Variants in IFT88 observed in about 807,000 individuals in gnomAD.
IFT88 encodes the protein intraflagellar transport 88.
In IFT88, 74 loss-of-function variants were observed where a neutral mutation model predicts 119.5. That is an observed-to-expected ratio of 0.62 (90% CI 0.51 to 0.75). The LOEUF (loss-of-function observed/expected upper bound fraction) is 0.75. Among genes scored for constraint, IFT88 ranks in the 30% least tolerant of loss-of-function variants. IFT88 has a pLI of 0.00. For missense variants in IFT88, 961 were observed against 977.7 expected (o/e 0.98, Z 0.23); for synonymous variants, 279 against 316.7 (o/e 0.88, Z 1.26).
At chr13:20,689,550 GC>G (rs1345691945) in intron 24 of IFT88, among the ~76,000 whole-genome samples, 4 of 152,110 alleles carry the variant, frequency 2.6e-5, no homozygotes, top group African/African-American at 9.7e-5. Flanking sequence ...AACTGTGTAT[GC>G]CCTTGCCCTT....
intron 4 of IFT88, 42 bp downstream of exon 4, chr13:20,589,909 A>G: frequency 1.7e-6 from 2 of 1,193,672 alleles, no homozygotes; most frequent in Non-Finnish European, 2.5e-6. Context: ...GCTTTTTCTC[A>G]TACAATAGTT....
intron 3 of IFT88, among the ~76,000 whole-genome samples, chr13:20,584,156 T>A (rs1593798983): frequency 1.3e-5 from 2 of 149,314 alleles, no homozygotes; most frequent in Non-Finnish European, 3.0e-5. Flanking sequence ...TCTATTTCTG[T>A]AAAAAAAAAA....
intron 13 of IFT88, among the ~76,000 whole-genome samples, chr13:20,615,333 A>G (rs1324739619): frequency 1.3e-5 from 2 of 152,202 alleles, no homozygotes; most frequent in Non-Finnish European, 2.9e-5. Context: ...TTATATATGT[A>G]CGTACGTGTA....
At chr13:20,671,321 T>C (rs191304577) in intron 24 of IFT88, among the ~76,000 whole-genome samples, 2 of 152,346 alleles carry the variant, frequency 1.3e-5, no homozygotes, top group Admixed American at 6.5e-5. Context: ...CAGATTATCA[T>C]AGATGGGCGT....
At chr13:20,663,683 G>A in intron 23 of IFT88, 79 bp downstream of exon 23, 1 of 995,974 alleles carries the variant, frequency 1.0e-6, no homozygotes, top group Admixed American at 2.5e-5. Flanking sequence ...TGTGATGTTA[G>A]GAGCTTCTAT....
At chr13:20,571,182 G>T (rs1391015424) in intron 1 of IFT88, among the ~76,000 whole-genome samples, 2 of 151,960 alleles carry the variant, frequency 1.3e-5, no homozygotes, top group Non-Finnish European at 2.9e-5. Flanking sequence ...TTTTAGTAGA[G>T]ACGGGGTTTC....
In IFT88 at chr13:20,611,103, ATAAT is replaced by A. The variant is rs769660309; in HGVS notation, c.1113-4685_1113-4682del. On this transcript the variant is annotated intron_variant, in intron 13 of 25. Coordinates refer to ENST00000351808, the MANE Select transcript of IFT88 (RefSeq NM_006531.5). The stretch of plus-strand genomic sequence containing the variant: ...TGAGACCCCATCTCAAATAATAATA[ATAAT>A]TAATAATAATAATATATAGGATATC... 2.0e-4 allele frequency among the ~76,000 whole-genome samples: 31 copies of A among 151,594 alleles called. 1 individual carries two copies. Among genetic ancestry groups the A allele is most frequent in the Non-Finnish European group, 4.1e-4 (28 of 67,890 alleles).
intron 3 of IFT88, among the ~76,000 whole-genome samples, chr13:20,587,756 T>G (rs917220620): frequency 1.3e-5 from 2 of 152,202 alleles, no homozygotes; most frequent in South Asian, 2.1e-4. Context: ...TTGTAAGATA[T>G]TAATATGTTG....
At chr13:20,659,488 A>T (rs902319603) in intron 22 of IFT88, among the ~76,000 whole-genome samples, 16 of 146,796 alleles carry the variant, frequency 1.1e-4, no homozygotes, top group African/African-American at 2.2e-4. Flanking sequence ...TAAATCTCTT[A>T]AAAAAAAAAA....
chr13:20,604,103 A>G (rs1244395252), intron 12 of IFT88, among the ~76,000 whole-genome samples: 2 of 152,266 alleles, frequency 1.3e-5, no homozygotes, highest in East Asian at 3.9e-4. Flanking sequence ...TTAGCCAGGC[A>G]TGGTGGCACA....
chr13:20,628,406 A>G (rs1473988482), intron 15 of IFT88, among the ~76,000 whole-genome samples: 1 of 152,242 alleles, frequency 6.6e-6, no homozygotes, highest in African/African-American at 2.4e-5. Flanking sequence ...AGACCAGGAC[A>G]GACATAGATC....
intron 24 of IFT88, among the ~76,000 whole-genome samples, chr13:20,689,227 C>T (rs186661666): frequency 3.9e-5 from 6 of 152,140 alleles, no homozygotes; most frequent in African/African-American, 1.4e-4. Context: ...TCACCGTGCC[C>T]GGCCCCAGGT....
chr13:20,574,045 G>T (rs1242117576), intron 1 of IFT88, among the ~76,000 whole-genome samples: 2 of 152,134 alleles, frequency 1.3e-5, no homozygotes, highest in Admixed American at 1.3e-4. Flanking sequence ...AATTATTTCT[G>T]GCCTGGCGTG....
intron 23 of IFT88, among the ~76,000 whole-genome samples, chr13:20,664,473 C>T (rs1268646690): frequency 6.6e-6 from 1 of 152,178 alleles, no homozygotes; most frequent in Non-Finnish European, 1.5e-5. Context: ...AAGACAGACT[C>T]ACTCTCAGCC....
intron 15 of IFT88, among the ~76,000 whole-genome samples, chr13:20,628,783 C>T (rs1200629712): frequency 1.3e-5 from 2 of 152,020 alleles, no homozygotes; most frequent in Admixed American, 6.6e-5. Flanking sequence ...ATACCTTTGC[C>T]AAGTTTTTTA....
chr13:20,658,950 A>T (rs2053334645), intron 22 of IFT88, among the ~76,000 whole-genome samples: 1 of 152,220 alleles, frequency 6.6e-6, no homozygotes, highest in African/African-American at 2.4e-5. Flanking sequence ...GAGGGTGTCT[A>T]AGATAACTTT....
intron 16 of IFT88, among the ~76,000 whole-genome samples, chr13:20,633,939 A>G (rs1240060036): frequency 6.6e-6 from 1 of 152,152 alleles, no homozygotes; most frequent in African/African-American, 2.4e-5. Context: ...AGCTGGGTTC[A>G]CCTGGATGCT....
intron 17 of IFT88, 33 bp downstream of exon 17, chr13:20,638,551 T>A: frequency 7.5e-7 from 1 of 1,328,008 alleles, no homozygotes; most frequent in Middle Eastern, 2.1e-4. Flanking sequence ...GCTTTTTAAA[T>A]TATTTATTTG....
chr13:20,579,931 T>C (rs1465520081), intron 2 of IFT88, among the ~76,000 whole-genome samples: 4 of 152,232 alleles, frequency 2.6e-5, no homozygotes, highest in Non-Finnish European at 5.9e-5. Flanking sequence ...GGAAAACCAT[T>C]GAAACCTCCT....
Sources: gnomAD v4.1 joint callset for allele counts (sites outside exome capture counted in the v4.1 genomes callset) on GRCh38, gnomAD v4.1.1 for gene constraint, MANE v1.5 for transcripts, NCBI Gene and HGNC (gene_info 2026-07-23, HGNC 2026-07-21) for gene names.